Variants in RABGAP1L observed in about 807,000 individuals in gnomAD.
RABGAP1L encodes RAB GTPase activating protein 1 like.
Under a neutral mutation model 137.7 loss-of-function variants are expected in RABGAP1L, and 63 were observed. The ratio of observed to expected loss-of-function variants is 0.46; its 90% CI spans 0.37 to 0.56. The LOEUF (loss-of-function observed/expected upper bound fraction) is 0.56, where lower values mean the gene tolerates loss of function less well. RABGAP1L is among the 20% of genes least tolerant of loss of function. RABGAP1L has a pLI of 0.00. For synonymous variants in RABGAP1L, 431 were observed against 433.7 expected, an observed-to-expected ratio of 0.99 and a Z score of 0.08; for missense variants, 1,095 against 1,244.0, an observed-to-expected ratio of 0.88 and a Z score of 1.80.
chr1:174,411,607 G>A (rs1263547435), intron 13 of RABGAP1L, among the ~76,000 whole-genome samples: 1 of 151,992 alleles, frequency 6.6e-6, no homozygotes, highest in Non-Finnish European at 1.5e-5. Context: ...TTCCATCTAT[G>A]TTCACTAGGG....
chr1:174,970,039 C>T (rs61828151), intron 21 of RABGAP1L, among the ~76,000 whole-genome samples: 16,352 of 152,190 alleles, frequency 0.11, 961 homozygotes, highest in East Asian at 0.23. Context: ...AATTCAAAAA[C>T]AAAAACAAAA....
chr1:174,385,170 T>C (rs916954626), intron 12 of RABGAP1L, among the ~76,000 whole-genome samples: 4 of 152,214 alleles, frequency 2.6e-5, no homozygotes, highest in African/African-American at 9.6e-5. Flanking sequence ...GATAATTACA[T>C]GTTGCACTAG....
intron 19 of RABGAP1L, among the ~76,000 whole-genome samples, chr1:174,854,327 C>T (rs922645542): frequency 2.0e-5 from 3 of 152,058 alleles, no homozygotes; most frequent in Admixed American, 6.6e-5. Context: ...CACTTCCAGG[C>T]CTTATATTAC....
intron 13 of RABGAP1L, among the ~76,000 whole-genome samples, chr1:174,520,079 C>T (rs1292699470): frequency 1.3e-5 from 2 of 152,274 alleles, no homozygotes; most frequent in South Asian, 4.2e-4. Flanking sequence ...AATAGAAAGG[C>T]AGATGGCAGA....
intron 19 of RABGAP1L, among the ~76,000 whole-genome samples, chr1:174,936,526 C>G (rs115612081): frequency 4.6e-5 from 7 of 151,932 alleles, no homozygotes; most frequent in Middle Eastern, 3.4e-3. Flanking sequence ...CCTGGGAGGT[C>G]AAGGCTGCAG....
chr1:174,706,636 A>C (rs1454136332), intron 17 of RABGAP1L, among the ~76,000 whole-genome samples: 3 of 152,154 alleles, frequency 2.0e-5, no homozygotes, highest in Non-Finnish European at 4.4e-5. Flanking sequence ...ATGATTTTTC[A>C]AAAAATGGAC....
chr1:174,832,786 A>G (rs1198454078), intron 19 of RABGAP1L, among the ~76,000 whole-genome samples: 2 of 152,108 alleles, frequency 1.3e-5, no homozygotes, highest in East Asian at 1.9e-4. Flanking sequence ...CCACTCCTAC[A>G]TATTTTTCCC....
chr1:174,398,702 A>G (rs1020498470), intron 13 of RABGAP1L, among the ~76,000 whole-genome samples: 6 of 152,128 alleles, frequency 3.9e-5, no homozygotes, highest in Admixed American at 3.9e-4. Context: ...GAAAACTAGA[A>G]ATGTTTTTTA....
chr1:174,439,719 G>A (rs1195309560), intron 13 of RABGAP1L, among the ~76,000 whole-genome samples: 3 of 152,150 alleles, frequency 2.0e-5, no homozygotes, highest in African/African-American at 7.2e-5. Context: ...TAGACTGGGT[G>A]TTAGTGTTTT....
intron 19 of RABGAP1L, chr1:174,849,850 T>C (rs1647945913): frequency 3.6e-6 from 2 of 558,842 alleles, no homozygotes; most frequent in Non-Finnish European, 7.1e-6. Context: ...GGAATGATCT[T>C]AATATTTATC....
chr1:174,581,329 T>C (rs1441526098), intron 13 of RABGAP1L, among the ~76,000 whole-genome samples: 2 of 152,214 alleles, frequency 1.3e-5, no homozygotes, highest in African/African-American at 4.8e-5. Flanking sequence ...CAAAACGTTA[T>C]AGTCATATGA....
intron 13 of RABGAP1L, among the ~76,000 whole-genome samples, chr1:174,590,151 T>G (rs1286207331): frequency 2.4e-5 from 2 of 81,774 alleles, no homozygotes; most frequent in African/African-American, 5.6e-5. Flanking sequence ...TTTTTTTTTT[T>G]GTGAGCCAAA....
chr1:174,768,639 A>G (rs1685866067), intron 18 of RABGAP1L, among the ~76,000 whole-genome samples: 1 of 152,236 alleles, frequency 6.6e-6, no homozygotes, highest in Non-Finnish European at 1.5e-5. Context: ...AAGAAACACA[A>G]ACCCTGGAAT....
At chr1:174,221,464 G>T (rs1263570825) in intron 3 of RABGAP1L, among the ~76,000 whole-genome samples, 1 of 152,176 alleles carries the variant, frequency 6.6e-6, no homozygotes, top group South Asian at 2.1e-4. Context: ...ACAGAATAGT[G>T]TAATGGAGAT....
intron 15 of RABGAP1L, among the ~76,000 whole-genome samples, chr1:174,689,547 A>G (rs1678725303): frequency 6.6e-6 from 1 of 152,144 alleles, no homozygotes; most frequent in Non-Finnish European, 1.5e-5. Context: ...ATGTTAGTAG[A>G]CAAAAAAGTG....
intron 13 of RABGAP1L, among the ~76,000 whole-genome samples, chr1:174,519,962 C>G: frequency 6.6e-6 from 1 of 152,160 alleles, no homozygotes; most frequent in South Asian, 2.1e-4. Flanking sequence ...TTCTTCATTT[C>G]ATTATCTCTG....
intron 1 of RABGAP1L, among the ~76,000 whole-genome samples, chr1:174,191,501 C>T (rs889832983): frequency 3.9e-5 from 6 of 152,178 alleles, no homozygotes; most frequent in East Asian, 1.9e-4. Context: ...CTCCCTCTTA[C>T]GTGTAGTATA....
intron 13 of RABGAP1L, among the ~76,000 whole-genome samples, chr1:174,442,195 C>T (rs970603467): frequency 6.6e-6 from 1 of 151,606 alleles, no homozygotes; most frequent in African/African-American, 2.4e-5. Flanking sequence ...TCTACATTCA[C>T]GAATATTTAT....
chr1:174,599,690 C>T (rs1212898998), intron 13 of RABGAP1L, among the ~76,000 whole-genome samples: 1 of 152,136 alleles, frequency 6.6e-6, no homozygotes, highest in Non-Finnish European at 1.5e-5. Flanking sequence ...AAGTCTGCAG[C>T]CAAACTTAGT....
Sources: gnomAD v4.1 joint callset for allele counts (sites outside exome capture counted in the v4.1 genomes callset) on GRCh38, gnomAD v4.1.1 for gene constraint, MANE v1.5 for transcripts, NCBI Gene and HGNC (gene_info 2026-07-23, HGNC 2026-07-21) for gene names.